The following TMC5 variants were observed in gnomAD, a reference collection of about 807,000 sequenced individuals.
TMC5 encodes the protein transmembrane channel like 5, also known as transmembrane channel-like protein 5.
In TMC5, 86 loss-of-function variants were observed where a neutral mutation model predicts 110.5. That is an observed-to-expected ratio of 0.78 (90% CI 0.65 to 0.93). The LOEUF is 0.93. Ranked by LOEUF, TMC5 falls within the 40% of genes least tolerant of loss-of-function variation. The pLI is 0.00. For missense variants in TMC5, 1,144 were observed against 1,222.8 expected (o/e 0.94, Z 0.96); for synonymous variants, 455 against 439.5 (o/e 1.04, Z -0.44).
At chr16:19,416,190 G>GAAA (rs752182776), upstream of TMC5, among the ~76,000 whole-genome samples, 5,125 of 125,868 alleles carry the variant, frequency 0.041, 276 homozygotes, top group African/African-American at 0.13. Flanking sequence ...TGTCTCAAAG[G>GAAA]AAAAAAAAAA....
At position 19,418,617 on chromosome 16, in the gene TMC5, A is replaced by G. The variant is rs567959421; in HGVS notation, c.-308+525A>G. The stretch of plus-strand genomic sequence containing the variant: ...TTTTCTGAGATTTAAAAAAAAATCT[A>G]TTTACTTCTTTATGGTGTTCAAGAA... On this transcript the variant is annotated intron_variant, in intron 1 of 21. Coordinates refer to ENST00000542583, the MANE Select transcript of TMC5 (RefSeq NM_001261841.2). Among the ~76,000 whole-genome samples, 58 of 151,530 alleles carry G rather than the reference A, an allele frequency of 3.8e-4. 1 individual carries two copies. The highest frequency in any genetic ancestry group is 6.9e-3 in the Middle Eastern group (2 of 290).
chr16:19,471,265 AT>A (rs1968334921), intron 10 of TMC5, among the ~76,000 whole-genome samples: 1 of 151,902 alleles, frequency 6.6e-6, no homozygotes, highest in Non-Finnish European at 1.5e-5. Context: ...TAATTTTTAA[AT>A]TTTTTGTAGA....
chr16:19,437,764 A>C (rs1288777343), intron 2 of TMC5, among the ~76,000 whole-genome samples: 1 of 152,160 alleles, frequency 6.6e-6, no homozygotes, highest in Non-Finnish European at 1.5e-5. Flanking sequence ...TTCTTTCTTT[A>C]AATTTTCTGC....
intron 19 of TMC5, among the ~76,000 whole-genome samples, chr16:19,494,000 T>A (rs1968985057): frequency 6.6e-6 from 1 of 152,194 alleles, no homozygotes; most frequent in Admixed American, 6.5e-5. Flanking sequence ...AGCAGCCGAC[T>A]TCTGGAGGCT....
At chr16:19,438,913 A>G (rs986230898) in intron 2 of TMC5, among the ~76,000 whole-genome samples, 14 of 152,258 alleles carry the variant, frequency 9.2e-5, no homozygotes, top group African/African-American at 3.4e-4. Context: ...TGAGGGACTT[A>G]GGTGCTGCCA....
chr16:19,447,714 C>T (rs1032337119), intron 4 of TMC5, among the ~76,000 whole-genome samples: 3 of 151,958 alleles, frequency 2.0e-5, no homozygotes, highest in Admixed American at 2.0e-4. Flanking sequence ...CTACCATGCC[C>T]AGCCAATTTT....
intron 6 of TMC5, among the ~76,000 whole-genome samples, chr16:19,461,301 T>C (rs896797604): frequency 2.6e-5 from 4 of 152,278 alleles, no homozygotes; most frequent in Admixed American, 6.5e-5. Flanking sequence ...ATCAGACTAG[T>C]GCAGTGGCTC....
At chr16:19,482,585 A>G (rs934103908) in intron 15 of TMC5, among the ~76,000 whole-genome samples, 1 of 152,078 alleles carries the variant, frequency 6.6e-6, no homozygotes, top group African/African-American at 2.4e-5. Context: ...TTGATTTGCC[A>G]TTTTGCTTTG....
At chr16:19,454,179 T>G (rs1452986443) in intron 5 of TMC5, among the ~76,000 whole-genome samples, 1 of 152,028 alleles carries the variant, frequency 6.6e-6, no homozygotes, top group East Asian at 1.9e-4. Flanking sequence ...TCCCAAGCAG[T>G]TGGGATTACA....
upstream of TMC5, among the ~76,000 whole-genome samples, chr16:19,415,553 A>G (rs1163667346): frequency 6.6e-6 from 1 of 152,226 alleles, no homozygotes; most frequent in Non-Finnish European, 1.5e-5. Flanking sequence ...CCCAAATGAC[A>G]GTACTGCCAA....
upstream of TMC5, among the ~76,000 whole-genome samples, chr16:19,417,393 G>A (rs985804564): frequency 2.8e-5 from 4 of 144,906 alleles, no homozygotes; most frequent in South Asian, 2.3e-4. Context: ...CACTCCAGCC[G>A]AGGTGACAGA....
chr16:19,486,625 C>G (rs887455393), intron 15 of TMC5, among the ~76,000 whole-genome samples: 1 of 152,052 alleles, frequency 6.6e-6, no homozygotes, highest in Non-Finnish European at 1.5e-5. Flanking sequence ...GATTCACCCC[C>G]TCTTGGCCTC....
chr16:19,473,366 A>C (rs1223855692), intron 11 of TMC5, among the ~76,000 whole-genome samples: 2 of 139,936 alleles, frequency 1.4e-5, no homozygotes, highest in Non-Finnish European at 3.0e-5. Context: ...AAAAAAAAAA[A>C]AAAAAAAAAA....
intron 9 of TMC5, among the ~76,000 whole-genome samples, chr16:19,467,802 C>T (rs1413693448): frequency 6.6e-6 from 1 of 151,922 alleles, no homozygotes; most frequent in African/African-American, 2.4e-5. Context: ...ACTTTAAAGA[C>T]CCTACCTCCA....
In TMC5 at chr16:19,487,178, CCTCT is replaced by C. The variant is rs1449063756; in HGVS notation, c.2440-8_2440-5del. The C allele has an allele frequency of 6.2e-7, 1 of 1,607,972 alleles. No homozygotes were observed. Among genetic ancestry groups the C allele is most frequent in the Non-Finnish European group, 8.5e-7 (1 of 1,176,620 alleles). On this transcript the variant is annotated splice_polypyrimidine_tract_variant and intron_variant, in intron 16 of 21. Coordinates refer to ENST00000542583, the MANE Select transcript of TMC5 (RefSeq NM_001261841.2). ...TCCGGCTGCAGATGGGAGGTGGCTG[CCTCT>C]CTCTCTTCAGATCAGCCTGATGATG...
chr16:19,425,888 T>C (rs1409989345), intron 1 of TMC5, among the ~76,000 whole-genome samples: 2 of 152,170 alleles, frequency 1.3e-5, no homozygotes, highest in East Asian at 3.9e-4. Flanking sequence ...GGTTTCACCA[T>C]GTTGGCCAGG....
chr16:19,450,166 G>T lies in TMC5; in HGVS notation c.1048+535G>T, dbSNP rs753006813. Among the ~76,000 whole-genome samples the T allele has an allele frequency of 2.0e-5, 3 of 152,160 alleles. No individual in the cohort carries two copies. In the South Asian group the frequency reaches 6.2e-4, roughly 32 times the overall value. ...TTTTCTTTTAGATGTATAGTTTGTTGTCTTCTGGGGATCAGGGTGTCTTCA... is the reference window on the plus strand; with the variant it reads ...TTTTCTTTTAGATGTATAGTTTGTTTTCTTCTGGGGATCAGGGTGTCTTCA... On this transcript the variant is annotated intron_variant, in intron 5 of 21. Coordinates refer to ENST00000542583, the MANE Select transcript of TMC5 (RefSeq NM_001261841.2).
chr16:19,435,395 G>A (rs999785625), intron 2 of TMC5, among the ~76,000 whole-genome samples: 4 of 151,836 alleles, frequency 2.6e-5, no homozygotes, highest in African/African-American at 7.3e-5. Flanking sequence ...CCAGCTACTC[G>A]GGAGGCTGAG....
At position 19,440,253 on chromosome 16, in the gene TMC5, C is replaced by G; in HGVS notation, c.215C>G (p.Pro72Arg). The change falls in exon 3 of 22, where the codon CCA becomes CGA. Residue 72 changes from proline (P) to arginine (R), a missense_variant. Coordinates refer to ENST00000542583, the MANE Select transcript of TMC5 (RefSeq NM_001261841.2). The part of the protein sequence containing the change: ...RPDYPGSLAE[P>R]NYPRSLSNPD... ...GACTATCCTGGGTCTCTGGCAGAACCAAATTATCCTAGATCTCTGAGTAAT... is the reference window on the plus strand; with the variant it reads ...GACTATCCTGGGTCTCTGGCAGAACGAAATTATCCTAGATCTCTGAGTAAT... 4 of 1,614,128 alleles carry G rather than the reference C, an allele frequency of 2.5e-6. No homozygotes were observed. Among genetic ancestry groups the G allele is most frequent in the Non-Finnish European group, 3.4e-6 (4 of 1,180,022 alleles).
Sources: gnomAD v4.1 joint callset for allele counts (sites outside exome capture counted in the v4.1 genomes callset) on GRCh38, gnomAD v4.1.1 for gene constraint, MANE v1.5 for transcripts, NCBI Gene and HGNC (gene_info 2026-07-23, HGNC 2026-07-21) for gene names.